The following IQSEC1 variants were observed in gnomAD, a reference collection of about 807,000 sequenced individuals.
IQSEC1 encodes the protein IQ motif and SEC7 domain-containing protein 1.
Under a neutral mutation model 91.0 loss-of-function variants are expected in IQSEC1, and 31 were observed. The observed-to-expected ratio is 0.34, with a 90% CI of 0.26 to 0.46. The LOEUF is 0.46. IQSEC1 is among the 20% of genes least tolerant of loss of function. IQSEC1 has a pLI of 1.00. For synonymous variants in IQSEC1, 699 were observed against 662.6 expected, an observed-to-expected ratio of 1.05 and a Z score of -0.84; for missense variants, 1,388 against 1,575.6, an observed-to-expected ratio of 0.88 and a Z score of 2.02.
Position 12,901,079 on chromosome 3 carries a change from G to A in IQSEC1, c.3249C>T (p.His1083=), listed in dbSNP as rs1035557019. ...CATGGTGGTGCACTGTGTGCCCCAC[G>A]TGGGCCGAGGGCAGCGGCGGGTGGC... is the stretch of plus-strand genomic sequence containing the variant. ...AHGHPPLPSA[H]VGHTVHHHGQ... is the part of the protein sequence containing the mutation. Residue 1083 remains histidine, a synonymous_variant, in exon 14 of 14, where the codon CAC becomes CAT. Coordinates refer to ENST00000613206, the MANE Select transcript of IQSEC1 (RefSeq NM_001134382.3). 5.1e-5 allele frequency: 79 copies of A among 1,540,870 alleles called. No individual in the cohort carries two copies. The highest frequency in any genetic ancestry group is 3.2e-4 in the East Asian group (13 of 40,840).
chr3:13,001,963 G>T (rs1224353935), intron 1 of IQSEC1, among the ~76,000 whole-genome samples: 1 of 152,132 alleles, frequency 6.6e-6, no homozygotes, highest in Non-Finnish European at 1.5e-5. Flanking sequence ...AGAGGCTGAG[G>T]CAGGAGAATC....
intron 12 of IQSEC1, among the ~76,000 whole-genome samples, chr3:12,903,501 G>A (rs1225860766): frequency 2.6e-5 from 4 of 152,178 alleles, no homozygotes; most frequent in African/African-American, 9.7e-5. Context: ...CCCCCAAAGG[G>A]GCCACAAAGC....
intron 1 of IQSEC1, among the ~76,000 whole-genome samples, chr3:13,028,634 G>A (rs1703722102): frequency 6.6e-6 from 1 of 152,226 alleles, no homozygotes; most frequent in Non-Finnish European, 1.5e-5. Context: ...TTAGCAATCA[G>A]TCAAAGTGAC....
rs1326639261 is a variant in IQSEC1, at chr3:12,899,549, CAT to C, written c.*1432_*1433del. ...AAGCGACAAGAGCACAGCTGAGAGTCATGTGATGCCCTGGCAGCTCACTGGAC... is the reference window on the plus strand; with the variant it reads ...AAGCGACAAGAGCACAGCTGAGAGTCGTGATGCCCTGGCAGCTCACTGGAC... On this transcript the variant is annotated 3_prime_UTR_variant, in exon 14 of 14. Transcript: ENST00000613206. 39 of 1,506,456 alleles carry C rather than the reference CAT, an allele frequency of 2.6e-5. No individual in the cohort carries two copies. The highest frequency in any genetic ancestry group is 2.1e-4 in the South Asian group (17 of 80,402). The allele number at this position is 1,506,456 out of a possible 1,614,324, so 93.3% of individuals were successfully genotyped here.
chr3:13,046,978 G>C (rs545256238), intron 1 of IQSEC1, among the ~76,000 whole-genome samples: 2 of 152,332 alleles, frequency 1.3e-5, no homozygotes, highest in Non-Finnish European at 2.9e-5. Flanking sequence ...TGTGAAAACA[G>C]AAAATGCTCT....
At chr3:13,278,394 A>G (rs1695730730) in intron 1 of IQSEC1, among the ~76,000 whole-genome samples, 1 of 152,182 alleles carries the variant, frequency 6.6e-6, no homozygotes, top group Admixed American at 6.5e-5. Context: ...TGCCTTGGTG[A>G]CAAGATTGCA....
chr3:12,958,836 G>A lies in IQSEC1; in HGVS notation c.24-16971C>T, dbSNP rs118031908. The stretch of plus-strand genomic sequence containing the variant: ...AAACACACTCATACTGAGGACAGTG[G>A]CTGAAATGTGTTAGCACTTGCTACA... On this transcript the variant is annotated intron_variant, in intron 1 of 13. Transcript: ENST00000613206. Among the ~76,000 whole-genome samples, 103 of 152,334 alleles carry A rather than the reference G, an allele frequency of 6.8e-4. 1 individual carries two copies. In the East Asian group the frequency reaches 0.011, roughly 17 times the overall value.
At chr3:13,109,255 T>A (rs1706202043) in intron 2 of IQSEC1, among the ~76,000 whole-genome samples, 2 of 152,120 alleles carry the variant, frequency 1.3e-5, no homozygotes, top group African/African-American at 4.8e-5. Flanking sequence ...GAGGCCCCCC[T>A]CCTCCCTCCC....
At chr3:12,966,309 T>C (rs1177224518) in intron 1 of IQSEC1, among the ~76,000 whole-genome samples, 2 of 152,200 alleles carry the variant, frequency 1.3e-5, no homozygotes, top group Non-Finnish European at 2.9e-5. Context: ...GGGAGACATA[T>C]GCATGTTCTC....
chr3:13,066,402 G>T (rs1705229828), intron 1 of IQSEC1, among the ~76,000 whole-genome samples: 1 of 152,262 alleles, frequency 6.6e-6, no homozygotes, highest in Admixed American at 6.5e-5. Context: ...CACTGTGTCT[G>T]TCACAGCGAG....
chr3:12,932,067 G>A (rs973184094), intron 3 of IQSEC1, among the ~76,000 whole-genome samples: 2 of 152,236 alleles, frequency 1.3e-5, no homozygotes, highest in African/African-American at 4.8e-5. Context: ...CTGTGACATG[G>A]TCACCTGGGC....
At chr3:12,906,941 G>A (rs946986686) in intron 12 of IQSEC1, among the ~76,000 whole-genome samples, 1 of 152,208 alleles carries the variant, frequency 6.6e-6, no homozygotes, top group Non-Finnish European at 1.5e-5. Flanking sequence ...GGCCACTGGG[G>A]AAACCAGTGG....
intron 1 of IQSEC1, among the ~76,000 whole-genome samples, chr3:13,248,938 G>T (rs1192340587): frequency 6.6e-6 from 1 of 152,154 alleles, no homozygotes; most frequent in East Asian, 1.9e-4. Context: ...TAATGTCACA[G>T]AATTAATCAG....
At chr3:13,245,671 G>A (rs563905882) in intron 1 of IQSEC1, among the ~76,000 whole-genome samples, 1 of 152,038 alleles carries the variant, frequency 6.6e-6, no homozygotes, top group African/African-American at 2.4e-5. Flanking sequence ...GGAGGCTGAG[G>A]CACGAGAATC....
At chr3:13,237,898 G>A (rs1694959407) in intron 1 of IQSEC1, among the ~76,000 whole-genome samples, 1 of 152,222 alleles carries the variant, frequency 6.6e-6, no homozygotes, top group African/African-American at 2.4e-5. Flanking sequence ...CCAGGCAGGG[G>A]GCGGGCCGAG....
chr3:13,273,950 A>G (rs1576319040), intron 1 of IQSEC1, among the ~76,000 whole-genome samples: 1 of 151,492 alleles, frequency 6.6e-6, no homozygotes, highest in Non-Finnish European at 1.5e-5. Context: ...CACACTCCCC[A>G]CTCAGGGCAA....
At chr3:13,013,605 C>A (rs181913590) in intron 1 of IQSEC1, among the ~76,000 whole-genome samples, 4 of 152,164 alleles carry the variant, frequency 2.6e-5, no homozygotes. Flanking sequence ...CCCCTCCTTG[C>A]GCCCATCTCC....
chr3:13,039,212 C>T (rs1486008869), intron 1 of IQSEC1, among the ~76,000 whole-genome samples: 1 of 152,236 alleles, frequency 6.6e-6, no homozygotes, highest in East Asian at 1.9e-4. Context: ...GAGGCATCTC[C>T]CCACAACCAA....
intron 1 of IQSEC1, among the ~76,000 whole-genome samples, chr3:13,191,138 C>A (rs1207527358): frequency 5.3e-5 from 8 of 152,324 alleles, no homozygotes; most frequent in Admixed American, 1.3e-4. Context: ...GTGGATCCTC[C>A]CTCGATTTGA....
Sources: gnomAD v4.1 joint callset for allele counts (sites outside exome capture counted in the v4.1 genomes callset) on GRCh38, gnomAD v4.1.1 for gene constraint, MANE v1.5 for transcripts, NCBI Gene and HGNC (gene_info 2026-07-23, HGNC 2026-07-21) for gene names.